The following FAM13A variants were observed in gnomAD, a reference collection of about 807,000 sequenced individuals.
The protein encoded by FAM13A is protein FAM13A.
In FAM13A, 76 loss-of-function variants were observed where a neutral mutation model predicts 129.6. The observed-to-expected ratio is 0.59, with a 90% CI of 0.49 to 0.71. The LOEUF is 0.71. Ranked by LOEUF, FAM13A falls within the 30% of genes least tolerant of loss-of-function variation. The probability of loss-of-function intolerance (pLI) is 0.00; values close to 1 mark genes in which losing one functional copy is unlikely to be tolerated. For missense variants in FAM13A, 1,108 were observed against 1,249.3 expected (o/e 0.89, Z 1.70); for synonymous variants, 443 against 449.9 (o/e 0.98, Z 0.20).
At chr4:88,913,182 T>G (rs1482744460) in intron 5 of FAM13A, among the ~76,000 whole-genome samples, 3 of 37,484 alleles carry the variant, frequency 8.0e-5, no homozygotes, top group African/African-American at 1.2e-4. Flanking sequence ...GAGGAAGAAG[T>G]GGAGGAGGAA....
At chr4:88,798,769 C>G (rs187287157) in intron 8 of FAM13A, among the ~76,000 whole-genome samples, 2 of 152,204 alleles carry the variant, frequency 1.3e-5, no homozygotes, top group East Asian at 3.9e-4. Context: ...CTGTATCAGG[C>G]AAAGGCAGTC....
In FAM13A at chr4:88,788,782, C is replaced by T. The variant is rs184806567; in HGVS notation, c.1092-850G>A. Among the ~76,000 whole-genome samples the T allele has an allele frequency of 3.7e-3, 561 of 152,104 alleles. 2 individuals carry two copies. Among genetic ancestry groups the T allele is most frequent in the Non-Finnish European group, 5.8e-3 (394 of 67,996 alleles). On this transcript the variant is annotated intron_variant, in intron 9 of 23. Transcript: ENST00000264344. ...TTGTTTTTCTTCGCTTGAAAAAGAACTATATATATATGTTCTAAATGCTCA... is the reference window on the plus strand; with the variant it reads ...TTGTTTTTCTTCGCTTGAAAAAGAATTATATATATATGTTCTAAATGCTCA...
In FAM13A at chr4:89,019,305, C is replaced by T. The variant is rs373235720; in HGVS notation, c.427+1155G>A. Among the ~76,000 whole-genome samples, 8 of 152,272 alleles carry T rather than the reference C, an allele frequency of 5.3e-5. No individual in the cohort carries two copies. The East Asian group carries it at 1.2e-3, about 22-fold the overall frequency. On this transcript the variant is annotated intron_variant, in intron 3 of 23. Coordinates refer to ENST00000264344, the MANE Select transcript of FAM13A (RefSeq NM_014883.4). ...TAAAGGAATGTGGCTTTAGGTAGCA[C>T]CCTTAATCTGGCAACGAATACTTTT... is the stretch of plus-strand genomic sequence containing the variant.
At chr4:88,778,739 C>T (rs1178133968) in intron 11 of FAM13A, among the ~76,000 whole-genome samples, 1 of 152,152 alleles carries the variant, frequency 6.6e-6, no homozygotes, top group Non-Finnish European at 1.5e-5. Flanking sequence ...CTCATCTCAC[C>T]CAGAATAAAG....
chr4:88,857,684 C>A (rs982479214), intron 6 of FAM13A, among the ~76,000 whole-genome samples: 3 of 144,716 alleles, frequency 2.1e-5, no homozygotes, highest in African/African-American at 7.6e-5. Flanking sequence ...AAATCAATTA[C>A]AGGTTCACAG....
chr4:88,949,171 T>C (rs1756494713), intron 4 of FAM13A, among the ~76,000 whole-genome samples: 1 of 152,224 alleles, frequency 6.6e-6, no homozygotes, highest in Non-Finnish European at 1.5e-5. Flanking sequence ...TTCTATGTCT[T>C]AATCTAAGTC....
intron 13 of FAM13A, 102 bp from the exon 14 acceptor site, chr4:88,759,003 G>A: frequency 8.4e-7 from 1 of 1,189,660 alleles, no homozygotes; most frequent in Non-Finnish European, 1.2e-6. Flanking sequence ...CCAAGTCACA[G>A]CTGCTAATGC....
At chr4:88,825,876 T>C (rs1200290609) in intron 7 of FAM13A, among the ~76,000 whole-genome samples, 2 of 152,200 alleles carry the variant, frequency 1.3e-5, no homozygotes, top group Non-Finnish European at 2.9e-5. Flanking sequence ...ACATGCTTTT[T>C]CCAGTCTCCA....
chr4:88,982,312 G>C (rs752044637), intron 4 of FAM13A, among the ~76,000 whole-genome samples: 1 of 152,218 alleles, frequency 6.6e-6, no homozygotes, highest in African/African-American at 2.4e-5. Flanking sequence ...TGTTTCTAAA[G>C]AGCCCAGTTC....
At chr4:88,980,343 G>T (rs553828936) in intron 4 of FAM13A, among the ~76,000 whole-genome samples, 2 of 152,208 alleles carry the variant, frequency 1.3e-5, no homozygotes, top group South Asian at 4.1e-4. Context: ...AAAACATTTT[G>T]TTTGGCCATG....
At chr4:88,932,893 T>C (rs1446204199) in intron 5 of FAM13A, among the ~76,000 whole-genome samples, 1 of 152,182 alleles carries the variant, frequency 6.6e-6, no homozygotes, top group African/African-American at 2.4e-5. Flanking sequence ...AAAAGTCATA[T>C]AAGAAAATCA....
Position 88,728,454 on chromosome 4 carries a change from T to C in FAM13A, c.*79A>G. Reference sequence around the variant, plus strand: ...TGCTTTGCAGGGCCAGCCCCAAGGCTGCCTTCCAGAGCTGCACTTTCTCTG... The same window carrying C: ...TGCTTTGCAGGGCCAGCCCCAAGGCCGCCTTCCAGAGCTGCACTTTCTCTG... On this transcript the variant is annotated 3_prime_UTR_variant, in exon 24 of 24. Transcript: ENST00000264344. 1.3e-6 allele frequency: 2 copies of C among 1,583,358 alleles called. No homozygotes were observed. The highest frequency in any genetic ancestry group is 1.7e-6 in the Non-Finnish European group (2 of 1,156,800).
At chr4:88,879,343 A>T (rs1358667222) in intron 6 of FAM13A, among the ~76,000 whole-genome samples, 2 of 152,236 alleles carry the variant, frequency 1.3e-5, no homozygotes, top group Non-Finnish European at 2.9e-5. Context: ...GTAGTATAAC[A>T]TGCTATAGCA....
intron 6 of FAM13A, among the ~76,000 whole-genome samples, chr4:88,884,587 A>C (rs1744112928): frequency 6.6e-6 from 1 of 152,176 alleles, no homozygotes; most frequent in African/African-American, 2.4e-5. Flanking sequence ...TAAGAACTGA[A>C]ACAAGACAAG....
intron 5 of FAM13A, among the ~76,000 whole-genome samples, chr4:88,912,977 G>T (rs537662841): frequency 2.6e-5 from 4 of 151,280 alleles, no homozygotes; most frequent in Non-Finnish European, 5.9e-5. Flanking sequence ...CAAGACAGAA[G>T]AAAGAAGAAA....
chr4:89,047,710 T>C (rs1176494097), intron 1 of FAM13A, among the ~76,000 whole-genome samples: 2 of 152,176 alleles, frequency 1.3e-5, no homozygotes, highest in African/African-American at 2.4e-5. Flanking sequence ...ACTAGCGGCT[T>C]TGGTGATTTG....
At position 88,870,309 on chromosome 4, in the gene FAM13A, C is replaced by T. The variant is rs546683990; in HGVS notation, c.844-19126G>A. ...GACAGTGGGTGCAGCCCACGGAGGG[C>T]GAGCTGAAGCAGGGCAGGGCATCGC... On this transcript the variant is annotated intron_variant, in intron 6 of 23. Coordinates refer to ENST00000264344, the MANE Select transcript of FAM13A (RefSeq NM_014883.4). 1.7e-4 allele frequency among the ~76,000 whole-genome samples: 26 copies of T among 152,220 alleles called. No homozygotes were observed. In the East Asian group the frequency reaches 2.3e-3, roughly 14 times the overall value.
At chr4:88,780,182 T>TG (rs1409536904) in intron 11 of FAM13A, among the ~76,000 whole-genome samples, 1 of 152,038 alleles carries the variant, frequency 6.6e-6, no homozygotes, top group Non-Finnish European at 1.5e-5. Flanking sequence ...TGAGACATTA[T>TG]GGGGGGAAAA....
At chr4:88,890,371 T>C (rs780592737) in intron 6 of FAM13A, among the ~76,000 whole-genome samples, 2 of 152,222 alleles carry the variant, frequency 1.3e-5, no homozygotes, top group African/African-American at 4.8e-5. Context: ...GAGAACAAGC[T>C]GGATATGCAC....
Sources: gnomAD v4.1 joint callset for allele counts (sites outside exome capture counted in the v4.1 genomes callset) on GRCh38, gnomAD v4.1.1 for gene constraint, MANE v1.5 for transcripts, NCBI Gene and HGNC (gene_info 2026-07-23, HGNC 2026-07-21) for gene names.